The following PCDHGA3 variants were observed in gnomAD, a reference collection of about 807,000 sequenced individuals.
The protein encoded by PCDHGA3 is protocadherin gamma-A3.
Under a neutral mutation model 58.5 loss-of-function variants are expected in PCDHGA3, and 40 were observed. The observed-to-expected ratio is 0.68, with a 90% CI of 0.53 to 0.89. The LOEUF (loss-of-function observed/expected upper bound fraction) is 0.89. Among genes scored for constraint, PCDHGA3 ranks in the 40% least tolerant of loss-of-function variants. The pLI is 0.00. For missense variants in PCDHGA3, 1,223 were observed against 1,195.9 expected, an observed-to-expected ratio of 1.02 and a Z score of -0.33; for synonymous variants, 530 against 525.7, an observed-to-expected ratio of 1.01 and a Z score of -0.11.
chr5:141,432,934 G>GC lies in PCDHGA3; in HGVS notation c.2425-61872dup. On this transcript the variant is annotated intron_variant, in intron 1 of 3. Transcript: ENST00000253812. The surrounding 1 kb of genome is among the most constrained non-coding windows in gnomAD (Gnocchi z 6.0). ...GGCGCTGGCACAAGTCACGCCTGCT[G>GC]CAGGCTTCAGGAGGCGGCTTGACAG... The GC allele has an allele frequency of 6.2e-7, 1 of 1,614,196 alleles. No individual in the cohort carries two copies. Among genetic ancestry groups the GC allele is most frequent in the Non-Finnish European group, 8.5e-7 (1 of 1,180,040 alleles).
rs575679144 is a variant in PCDHGA3, at chr5:141,351,782, G to C, written c.2424+5325G>C. On this transcript the variant is annotated intron_variant, in intron 1 of 3. Coordinates refer to ENST00000253812, the MANE Select transcript of PCDHGA3 (RefSeq NM_018916.4). The stretch of plus-strand genomic sequence containing the variant: ...CTACGTGTCCGTGAGCCCGCAGAGC[G>C]GGGTGGTGTTCGCGCAGCGCGCCTT... 1.3e-5 allele frequency: 21 copies of C among 1,613,456 alleles called. No individual in the cohort carries two copies. Among genetic ancestry groups the C allele is most frequent in the South Asian group, 4.4e-5 (4 of 91,092 alleles).
chr5:141,418,599 A>C, intron 1 of PCDHGA3: 2 of 1,614,054 alleles, frequency 1.2e-6, no homozygotes. Context: ...CAGGACGTGT[A>C]CAGGGTTAGC....
chr5:141,399,940 C>T lies in PCDHGA3; in HGVS notation c.2424+53483C>T, dbSNP rs374856105. On this transcript the variant is annotated intron_variant, in intron 1 of 3. Transcript: ENST00000253812. Reference sequence around the variant, plus strand: ...CAACGCCTGGCTGTCCTACCACGTGCTGCAGGCTAGCGAGCCCGGGCTCTT... The same window carrying T: ...CAACGCCTGGCTGTCCTACCACGTGTTGCAGGCTAGCGAGCCCGGGCTCTT... 4.8e-4 allele frequency: 772 copies of T among 1,612,360 alleles called. 1 individual carries two copies. In the African/African-American group the frequency reaches 9.6e-3, roughly 20 times the overall value.
intron 1 of PCDHGA3, chr5:141,478,520 G>C (rs1474701976): frequency 1.2e-6 from 2 of 1,610,510 alleles, no homozygotes; most frequent in East Asian, 4.5e-5. Context: ...GCAGGTGTTG[G>C]GTGCAGAGAG....
chr5:141,509,839 T>C (rs1277859334), intron 3 of PCDHGA3, among the ~76,000 whole-genome samples: 4 of 152,162 alleles, frequency 2.6e-5, no homozygotes, highest in Non-Finnish European at 5.9e-5. Context: ...CTACCTCCCA[T>C]TCACTCAGAA....
chr5:141,360,551 A>G, intron 1 of PCDHGA3: 5 of 1,613,988 alleles, frequency 3.1e-6, no homozygotes, highest in Non-Finnish European at 4.2e-6. Context: ...ACTAAGATTA[A>G]TTTAAAAATT....
chr5:141,487,135 A>G lies in PCDHGA3; in HGVS notation c.2425-7672A>G. 6.2e-7 allele frequency: 1 copy of G among 1,613,544 alleles called. No individual in the cohort carries two copies. The highest frequency in any genetic ancestry group is 8.5e-7 in the Non-Finnish European group (1 of 1,179,856). ...TGGTAAAGGATAGTGGTAGTCCACC[A>G]CTCTCTACCTCTGTTACTCTCTTAG... On this transcript the variant is annotated intron_variant, in intron 1 of 3. Transcript: ENST00000253812. The surrounding 1 kb of genome is among the most constrained non-coding windows in gnomAD (Gnocchi z 5.0).
chr5:141,375,605 A>C, intron 1 of PCDHGA3: 2 of 1,614,082 alleles, frequency 1.2e-6, no homozygotes, highest in Non-Finnish European at 1.7e-6. Flanking sequence ...CGTGTCCATC[A>C]ACTCCGACAC....
chr5:141,412,898 C>T (rs1300324880), intron 1 of PCDHGA3: 2 of 361,136 alleles, frequency 5.5e-6, no homozygotes, highest in Non-Finnish European at 9.8e-6. Context: ...AGTTTACTTT[C>T]CATTGCATGT....
At chr5:141,362,149 T>G (rs759063405) in intron 1 of PCDHGA3, 2 of 1,614,036 alleles carry the variant, frequency 1.2e-6, no homozygotes, top group South Asian at 2.2e-5. Flanking sequence ...GCAAGAGGTA[T>G]TGCCAGACCT....
rs377580446 is a variant in PCDHGA3 at position 141,350,582 on chromosome 5, G to A, written c.2424+4125G>A. The A allele has an allele frequency of 6.2e-6, 10 of 1,614,040 alleles. No homozygotes were observed. Among genetic ancestry groups the A allele is most frequent in the Non-Finnish European group, 8.5e-6 (10 of 1,179,890 alleles). On this transcript the variant is annotated intron_variant, in intron 1 of 3. Transcript: ENST00000253812. Reference sequence around the variant, plus strand: ...TGCACTAGAATTCGAAACGGTCGCTGAAAACCCAATGAATGTTTTCCACGT... The same window carrying A: ...TGCACTAGAATTCGAAACGGTCGCTAAAAACCCAATGAATGTTTTCCACGT...
intron 1 of PCDHGA3, chr5:141,418,432 T>A: frequency 6.2e-7 from 1 of 1,613,956 alleles, no homozygotes; most frequent in East Asian, 2.2e-5. Context: ...GTGGCAAATA[T>A]CCAGAATTAG....
chr5:141,367,409 C>G (rs923534694), intron 1 of PCDHGA3: 1 of 152,094 alleles, frequency 6.6e-6, no homozygotes, highest in Non-Finnish European at 1.5e-5. Flanking sequence ...TGGTGGCAGG[C>G]GCCTGTAGTC....
chr5:141,399,008 G>GC, intron 1 of PCDHGA3: 1 of 1,613,904 alleles, frequency 6.2e-7, no homozygotes, highest in Non-Finnish European at 8.5e-7. Flanking sequence ...AATTCAAAGA[G>GC]CGGAGAAATT....
intron 1 of PCDHGA3, among the ~76,000 whole-genome samples, chr5:141,466,035 C>T (rs10054619): frequency 0.28 from 42,092 of 151,762 alleles, 6,545 homozygotes; most frequent in African/African-American, 0.42. Flanking sequence ...GGCAGGAGAA[C>T]GGCATGAACC....
chr5:141,376,685 T>G lies in PCDHGA3; in HGVS notation c.2424+30228T>G, dbSNP rs866718563. On this transcript the variant is annotated intron_variant, in intron 1 of 3. Coordinates refer to ENST00000253812, the MANE Select transcript of PCDHGA3 (RefSeq NM_018916.4). The stretch of plus-strand genomic sequence containing the variant: ...TTCAGGTGAGGGTATCGTTTTTTTT[T>G]TTTTTTTTTTTTGAGACGGAGTCTC... The G allele has an allele frequency of 7.7e-4, 627 of 813,788 alleles. 5 individuals carry two copies. In the African/African-American group the frequency reaches 9.6e-3, roughly 12 times the overall value. 50.4% of individuals were successfully genotyped at this position (813,788 alleles called of 1,614,324 possible).
intron 1 of PCDHGA3, chr5:141,375,382 T>C (rs1197726438): frequency 6.2e-7 from 1 of 1,613,986 alleles, no homozygotes; most frequent in Non-Finnish European, 8.5e-7. Flanking sequence ...CACCTCTGTC[T>C]ACAGAAACAA....
At chr5:141,362,049 C>G (rs1588571121) in intron 1 of PCDHGA3, 5 of 1,611,332 alleles carry the variant, frequency 3.1e-6, no homozygotes, top group Non-Finnish European at 4.2e-6. Context: ...GGGACGCGGC[C>G]CGCCAGCGCC....
intron 1 of PCDHGA3, chr5:141,383,907 A>T: frequency 1.2e-6 from 2 of 1,613,958 alleles, no homozygotes; most frequent in Non-Finnish European, 1.7e-6. Flanking sequence ...TACTGATCAC[A>T]GTTTTAGATG....
Sources: gnomAD v4.1 joint callset for allele counts (sites outside exome capture counted in the v4.1 genomes callset) on GRCh38, gnomAD v4.1.1 for gene constraint, Gnocchi (gnomAD v3.1) non-coding constraint, MANE v1.5 for transcripts, NCBI Gene and HGNC (gene_info 2026-07-23, HGNC 2026-07-21) for gene names.